The following SSBP2 variants were observed in gnomAD, a reference collection of about 807,000 sequenced individuals.
SSBP2 encodes the protein single-stranded DNA-binding protein 2.
Under a neutral mutation model 61.8 loss-of-function variants are expected in SSBP2, and 17 were observed. The ratio of observed to expected loss-of-function variants is 0.28; its 90% CI spans 0.19 to 0.41. SSBP2 has a LOEUF of 0.41. Ranked by LOEUF, SSBP2 falls within the 10% of genes least tolerant of loss-of-function variation. The probability of loss-of-function intolerance (pLI) is 1.00; values close to 1 mark genes in which losing one functional copy is unlikely to be tolerated. For missense variants in SSBP2, 310 were observed against 458.7 expected, an observed-to-expected ratio of 0.68 and a Z score of 2.96; for synonymous variants, 139 against 141.3, an observed-to-expected ratio of 0.98 and a Z score of 0.12.
intron 15 of SSBP2, among the ~76,000 whole-genome samples, chr5:81,429,944 T>C (rs1297877198): frequency 6.6e-6 from 1 of 152,170 alleles, no homozygotes; most frequent in African/African-American, 2.4e-5. Context: ...CCCCAAGGAC[T>C]TGGGAAATAT....
At chr5:81,588,817 ACTT>A (rs1202155548) in intron 4 of SSBP2, among the ~76,000 whole-genome samples, 7 of 152,172 alleles carry the variant, frequency 4.6e-5, no homozygotes, top group Admixed American at 1.3e-4. Context: ...TAATTCCAGC[ACTT>A]TGGGAGGCTG....
chr5:81,646,135 A>T (rs1749245729), intron 2 of SSBP2, among the ~76,000 whole-genome samples: 2 of 152,120 alleles, frequency 1.3e-5, no homozygotes, highest in Admixed American at 1.3e-4. Flanking sequence ...GCCTTCTCGC[A>T]ACTTCACCCA....
Position 81,511,397 on chromosome 5 carries a change from T to A in SSBP2, c.372+2231A>T, listed in dbSNP as rs1768594541. 2.0e-5 allele frequency among the ~76,000 whole-genome samples: 3 copies of A among 152,282 alleles called. No homozygotes were observed. The South Asian group carries it at 6.2e-4, about 32-fold the overall frequency. ...ACCGTTTAGTATGAATTCAGGTCAT[T>A]GCCCTTCCTAAAGATCTCTGATGGC... is the stretch of plus-strand genomic sequence containing the variant. On this transcript the variant is annotated intron_variant, in intron 5 of 16. Coordinates refer to ENST00000320672, the MANE Select transcript of SSBP2 (RefSeq NM_012446.5).
chr5:81,652,753 CA>C (rs1749842456), intron 1 of SSBP2, among the ~76,000 whole-genome samples: 1 of 146,874 alleles, frequency 6.8e-6, no homozygotes, highest in African/African-American at 2.7e-5. Flanking sequence ...CAGCAATCTC[CA>C]ATTTTTTTTT....
At chr5:81,489,472 A>G (rs1307699075) in intron 5 of SSBP2, among the ~76,000 whole-genome samples, 163 bp from the exon 6 acceptor site, 1 of 152,226 alleles carries the variant, frequency 6.6e-6, no homozygotes, top group Admixed American at 6.5e-5. Flanking sequence ...AAAAATTACC[A>G]TCCCATTACT....
At chr5:81,494,803 A>C (rs1227467330) in intron 5 of SSBP2, among the ~76,000 whole-genome samples, 1 of 152,186 alleles carries the variant, frequency 6.6e-6, no homozygotes, top group Non-Finnish European at 1.5e-5. Context: ...AAAATCAATA[A>C]ATATTTGGTG....
intron 4 of SSBP2, among the ~76,000 whole-genome samples, chr5:81,542,879 G>C (rs1411687600): frequency 7.4e-6 from 1 of 135,802 alleles, no homozygotes; most frequent in Non-Finnish European, 1.5e-5. Flanking sequence ...TTTTGAGACA[G>C]AGTCTGGCTC....
intron 1 of SSBP2, among the ~76,000 whole-genome samples, chr5:81,675,711 C>G (rs1388693073): frequency 6.6e-6 from 1 of 152,116 alleles, no homozygotes; most frequent in Non-Finnish European, 1.5e-5. Context: ...CCACACAATT[C>G]TGCCCAAACT....
At chr5:81,461,198 G>A in intron 9 of SSBP2, 95 bp from the exon 10 acceptor site, 1 of 944,364 alleles carries the variant, frequency 1.1e-6, no homozygotes. Flanking sequence ...TTATAATTCA[G>A]TTACTATGCA....
At chr5:81,427,109 G>A (rs921682832) in intron 16 of SSBP2, among the ~76,000 whole-genome samples, 4 of 152,096 alleles carry the variant, frequency 2.6e-5, no homozygotes, top group African/African-American at 9.7e-5. Flanking sequence ...ATACCTCACT[G>A]AATTATACCA....
chr5:81,444,624 C>T (rs1464135746), intron 12 of SSBP2, among the ~76,000 whole-genome samples: 1 of 152,134 alleles, frequency 6.6e-6, no homozygotes, highest in African/African-American at 2.4e-5. Context: ...CTCAATCACA[C>T]ACAAGATTAA....
At chr5:81,687,253 A>G (rs921944205) in intron 1 of SSBP2, among the ~76,000 whole-genome samples, 10 of 152,196 alleles carry the variant, frequency 6.6e-5, no homozygotes, top group African/African-American at 2.4e-4. Context: ...CACAGCAGAG[A>G]GCAACACCGA....
chr5:81,632,710 T>C (rs539497610), intron 3 of SSBP2, among the ~76,000 whole-genome samples: 15 of 152,324 alleles, frequency 9.8e-5, no homozygotes, highest in South Asian at 6.2e-4. Context: ...TCTGCCCCTC[T>C]ACTGTCTCCT....
chr5:81,581,074 T>G (rs1193563103), intron 4 of SSBP2, among the ~76,000 whole-genome samples: 2 of 152,124 alleles, frequency 1.3e-5, no homozygotes, highest in African/African-American at 4.8e-5. Context: ...AAATAAACAG[T>G]CTACTACTCT....
At chr5:81,428,772 C>T in intron 15 of SSBP2, 89 bp from the exon 16 acceptor site, 1 of 856,492 alleles carries the variant, frequency 1.2e-6, no homozygotes, top group Non-Finnish European at 1.9e-6. Context: ...AACAGCATCC[C>T]TAAGGACAAA....
At chr5:81,593,774 T>C (rs964086383) in intron 4 of SSBP2, among the ~76,000 whole-genome samples, 1 of 152,158 alleles carries the variant, frequency 6.6e-6, no homozygotes, top group African/African-American at 2.4e-5. Flanking sequence ...TAAAATCCTT[T>C]ACAGACAAGC....
At chr5:81,649,593 C>T (rs1415134310) in intron 2 of SSBP2, among the ~76,000 whole-genome samples, 2 of 151,888 alleles carry the variant, frequency 1.3e-5, no homozygotes, top group East Asian at 1.9e-4. Flanking sequence ...GACATAAACA[C>T]GGGAACACTA....
intron 3 of SSBP2, among the ~76,000 whole-genome samples, chr5:81,635,893 C>T (rs1748178361): frequency 6.6e-6 from 1 of 152,164 alleles, no homozygotes; most frequent in South Asian, 2.1e-4. Flanking sequence ...AATCTTATAA[C>T]TAGTTTGACA....
At chr5:81,503,384 G>C (rs13159596) in intron 5 of SSBP2, among the ~76,000 whole-genome samples, 30,916 of 152,064 alleles carry the variant, frequency 0.2, 3,295 homozygotes, top group African/African-American at 0.24. Flanking sequence ...AACCCGGGAG[G>C]GGGAGGTTGC....
Sources: allele counts gnomAD v4.1 joint callset (sites outside exome capture counted in the v4.1 genomes callset), GRCh38; gene constraint gnomAD v4.1.1; transcripts MANE v1.5; gene names NCBI Gene and HGNC (gene_info 2026-07-23, HGNC 2026-07-21).